FAM9C: variants seen among roughly 807,000 people sequenced by gnomAD.
FAM9C encodes family with sequence similarity 9 member C, also known as protein FAM9C.
In FAM9C, 15 loss-of-function variants were observed where a neutral mutation model predicts 14.8. That is an observed-to-expected ratio of 1.02 (90% CI 0.68 to 1.56). The LOEUF (loss-of-function observed/expected upper bound fraction) is 1.56, where lower values mean the gene tolerates loss of function less well. Among genes scored for constraint, FAM9C ranks in the 40% most tolerant of loss-of-function variants. The pLI is 0.00. For synonymous variants in FAM9C, 45 were observed against 37.5 expected, an observed-to-expected ratio of 1.20 and a Z score of -0.74; for missense variants, 116 against 118.0, an observed-to-expected ratio of 0.98 and a Z score of 0.08.
At chrX:13,038,623 T>C in intron 6 of FAM9C, 120 bp from the exon 7 acceptor site, 1 of 583,600 alleles carries the variant, frequency 1.7e-6, no homozygotes, top group South Asian at 4.1e-5. Context: ...TTAGACAACG[T>C]TTATGACCAA....
chrX:13,043,407 C>T (rs1323937559), intron 2 of FAM9C, among the ~76,000 whole-genome samples, 159 bp from the exon 3 acceptor site: 1 of 112,654 alleles, frequency 8.9e-6, no homozygotes, highest in Non-Finnish European at 1.9e-5. Context: ...AACCATTTTA[C>T]GGAGGCATTT....
chrX:13,043,471 C>T (rs1453431515), intron 2 of FAM9C, among the ~76,000 whole-genome samples: 1 of 112,486 alleles, frequency 8.9e-6, no homozygotes, highest in Non-Finnish European at 1.9e-5. Flanking sequence ...GGTCAGATCC[C>T]TTGGATGTCA....
intron 5 of FAM9C, chrX:13,040,234 A>C (rs2043514331): frequency 1.5e-6 from 1 of 649,236 alleles, no homozygotes; most frequent in South Asian, 8.0e-5. Context: ...ACTAAATAAC[A>C]TATGCGTTCT....
intron 2 of FAM9C, among the ~76,000 whole-genome samples, 153 bp from the exon 3 acceptor site, chrX:13,043,401 A>G (rs919975099): frequency 1.2e-4 from 13 of 112,320 alleles, no homozygotes; most frequent in African/African-American, 3.6e-4. Context: ...GCTCCTAACC[A>G]TTTTACGGAG....
At chrX:13,042,999 C>T (rs1479021370) in intron 3 of FAM9C, 50 bp from the exon 4 acceptor site, 5 of 1,166,976 alleles carry the variant, frequency 4.3e-6, no homozygotes, top group Non-Finnish European at 5.7e-6. Context: ...ACACAAAAGG[C>T]CTTGTTTGTT....
intron 5 of FAM9C, chrX:13,040,122 T>C (rs1163335950): frequency 9.4e-6 from 2 of 212,209 alleles, no homozygotes; most frequent in East Asian, 4.9e-4. Context: ...AGCAGCTATC[T>C]TACATTCTTT....
Position 13,038,382 on chromosome X carries a change from A to T in FAM9C, c.*25+34T>A, listed in dbSNP as rs945214845. 14 of 1,034,212 alleles carry T rather than the reference A, an allele frequency of 1.4e-5. No homozygotes were observed. The African/African-American group carries it at 2.1e-4, about 16-fold the overall frequency. 85.2% of individuals were successfully genotyped at this position (1,034,212 alleles called of 1,213,427 possible). A position where few individuals can be genotyped will look rare whatever the true frequency, so the allele number is the denominator to read the frequency against. ...TATTTTTATGCATGTGTTGTATTTT[A>T]TAAGAACGTATTGTGTTACCAAATA... On this transcript the variant is annotated intron_variant, in intron 7 of 7. Transcript: ENST00000380625.
intron 2 of FAM9C, 25 bp from the exon 3 acceptor site, chrX:13,043,273 C>A (rs374113404): frequency 2.2e-5 from 26 of 1,180,350 alleles, no homozygotes; most frequent in Admixed American, 1.8e-4. Flanking sequence ...AAAAGACAAA[C>A]CTTTTTTAGA....
intron 2 of FAM9C, 88 bp downstream of exon 2, chrX:13,043,641 C>T: frequency 9.2e-7 from 1 of 1,086,627 alleles, no homozygotes; most frequent in South Asian, 1.9e-5. Context: ...GGGCCGGGGG[C>T]CTCGGGCTGC....
intron 1 of FAM9C, 134 bp downstream of exon 1, chrX:13,044,406 C>T (rs1163086901): frequency 9.3e-6 from 1 of 107,308 alleles, no homozygotes; most frequent in Non-Finnish European, 1.9e-5. Context: ...CAACTCCCTG[C>T]CCTGACCCAG....
intron 7 of FAM9C, chrX:13,036,265 C>T (rs1344176573): frequency 2.7e-5 from 3 of 112,434 alleles, no homozygotes; most frequent in Non-Finnish European, 5.6e-5. Flanking sequence ...CAAACCATCA[C>T]TTTACAACTC....
chrX:13,038,255 T>G, intron 7 of FAM9C, 161 bp downstream of exon 7: 1 of 348,963 alleles, frequency 2.9e-6, no homozygotes, highest in Non-Finnish European at 4.9e-6. Flanking sequence ...TTACTACTTA[T>G]GTTAAATCTG....
Position 13,039,902 on chromosome X carries a change from T to C in FAM9C, c.344A>G (p.Tyr115Cys). 8.3e-7 allele frequency: 1 copy of C among 1,204,867 alleles called. No individual in the cohort carries two copies. The highest frequency in any genetic ancestry group is 1.1e-6 in the Non-Finnish European group (1 of 891,831). Residue 115 changes from tyrosine (Y) to cysteine (C), a missense_variant, in exon 6 of 8, where the codon TAT (tyrosine) becomes TGT (cysteine). By Grantham distance (194) the Tyr-to-Cys change is radical. Coordinates refer to ENST00000380625, the MANE Select transcript of FAM9C (RefSeq NM_174901.6). ...TTQLKRQKRD[Y>C]RISLKLPNVL... ...ATTCGGCAACTTCAGAGAAATTCTATAATCACGTTTCTGCCTGTAACACAT... is the reference window on the plus strand; with the variant it reads ...ATTCGGCAACTTCAGAGAAATTCTACAATCACGTTTCTGCCTGTAACACAT...
chrX:13,035,791 T>C lies in FAM9C; in HGVS notation c.*253A>G, dbSNP rs2043476225. On this transcript the variant is annotated 3_prime_UTR_variant, in exon 8 of 8. Coordinates refer to ENST00000380625, the MANE Select transcript of FAM9C (RefSeq NM_174901.6). ...CAATTGCTGCTTTCTCACAGAACTG[T>C]CTAGGGTTCATTCAACAGATCATAG... 8.9e-6 allele frequency: 1 copy of C among 112,409 alleles called. No homozygotes were observed. The highest frequency in any genetic ancestry group is 3.6e-4 in the South Asian group (1 of 2,773). 9.3% of individuals were successfully genotyped at this position (112,409 alleles called of 1,213,427 possible).
intron 1 of FAM9C, among the ~76,000 whole-genome samples, chrX:13,044,320 G>GGCC (rs1555915122): frequency 5.7e-5 from 3 of 52,492 alleles, no homozygotes; most frequent in Non-Finnish European, 7.4e-5. Context: ...TTGACCCCCC[G>GGCC]ACCCCCCCCC....
chrX:13,037,219 G>A (rs1003310734), intron 7 of FAM9C: 8 of 112,174 alleles, frequency 7.1e-5, no homozygotes, highest in Non-Finnish European at 1.1e-4. Flanking sequence ...AGAGAAGAGA[G>A]AACTCAGAAA....
intron 3 of FAM9C, 75 bp downstream of exon 3, chrX:13,043,053 A>C: frequency 8.5e-7 from 1 of 1,174,525 alleles, no homozygotes; most frequent in Admixed American, 2.5e-5. Flanking sequence ...AGAACATAAC[A>C]GTGATGACAT....
chrX:13,040,450 G>A (rs766534967), intron 5 of FAM9C: 2 of 281,186 alleles, frequency 7.1e-6, no homozygotes, highest in African/African-American at 2.9e-5. Context: ...CAGACTAAAC[G>A]TTGAAGACAT....
intron 4 of FAM9C, 141 bp downstream of exon 4, chrX:13,042,777 T>C: frequency 6.1e-6 from 4 of 652,924 alleles, no homozygotes; most frequent in Non-Finnish European, 9.7e-6. Context: ...AGAAAAATTA[T>C]TAAACAGATT....
Sources: allele counts gnomAD v4.1 joint callset (sites outside exome capture counted in the v4.1 genomes callset), GRCh38; gene constraint gnomAD v4.1.1; transcripts MANE v1.5; gene names NCBI Gene and HGNC (gene_info 2026-07-23, HGNC 2026-07-21).